PAK5: variants seen among roughly 807,000 people sequenced by gnomAD.
The protein encoded by PAK5 is serine/threonine-protein kinase PAK 5.
Under a neutral mutation model 65.9 loss-of-function variants are expected in PAK5, and 16 were observed. The ratio of observed to expected loss-of-function variants is 0.24; its 90% CI spans 0.16 to 0.37. PAK5 has a LOEUF of 0.37. Among genes scored for constraint, PAK5 ranks in the 10% least tolerant of loss-of-function variants. The probability of loss-of-function intolerance (pLI) is 1.00; values close to 1 mark genes in which losing one functional copy is unlikely to be tolerated. For synonymous variants in PAK5, 371 were observed against 354.9 expected (o/e 1.05, Z -0.51); for missense variants, 785 against 903.9 (o/e 0.87, Z 1.69).
intron 6 of PAK5, among the ~76,000 whole-genome samples, chr20:9,560,267 A>C (rs185375179): frequency 3.9e-5 from 6 of 152,318 alleles, no homozygotes; most frequent in Admixed American, 1.3e-4. Context: ...ATAGGAAAAA[A>C]GCTTGGCATG....
chr20:9,674,957 T>C (rs1260474622), intron 2 of PAK5, among the ~76,000 whole-genome samples: 1 of 152,172 alleles, frequency 6.6e-6, no homozygotes, highest in African/African-American at 2.4e-5. Flanking sequence ...AGGTCATTAG[T>C]AGTCAGCACT....
intron 1 of PAK5, among the ~76,000 whole-genome samples, chr20:9,746,834 C>T (rs2048513844): frequency 6.6e-6 from 1 of 152,098 alleles, no homozygotes; most frequent in Non-Finnish European, 1.5e-5. Context: ...TAACTAAAAT[C>T]AGAGCAGAAC....
intron 1 of PAK5, among the ~76,000 whole-genome samples, chr20:9,757,237 A>AACT (rs1555922651): frequency 2.1e-4 from 32 of 151,830 alleles, no homozygotes; most frequent in Admixed American, 3.9e-4. Flanking sequence ...TGAAAAAAAA[A>AACT]CTATTACATA....
chr20:9,588,674 T>C (rs934165841), intron 3 of PAK5, among the ~76,000 whole-genome samples: 1 of 152,200 alleles, frequency 6.6e-6, no homozygotes, highest in Non-Finnish European at 1.5e-5. Context: ...CTAATTATTA[T>C]TGTCCGTCTC....
intron 1 of PAK5, among the ~76,000 whole-genome samples, chr20:9,836,352 T>A (rs772477828): frequency 6.6e-6 from 1 of 152,118 alleles, no homozygotes; most frequent in Non-Finnish European, 1.5e-5. Context: ...TCATATTGAA[T>A]AAGGAACAGG....
intron 2 of PAK5, among the ~76,000 whole-genome samples, chr20:9,706,268 A>G (rs1345376126): frequency 6.6e-6 from 1 of 152,128 alleles, no homozygotes; most frequent in Non-Finnish European, 1.5e-5. Context: ...TATGCTTAGC[A>G]CGCTTATAAA....
At chr20:9,591,936 A>G (rs539667196) in intron 3 of PAK5, among the ~76,000 whole-genome samples, 2 of 152,340 alleles carry the variant, frequency 1.3e-5, no homozygotes, top group East Asian at 3.9e-4. Flanking sequence ...TGGAAATAAA[A>G]CCAGTAGGCA....
intron 6 of PAK5, among the ~76,000 whole-genome samples, chr20:9,560,407 T>C (rs898142779): frequency 2.6e-5 from 4 of 152,180 alleles, no homozygotes; most frequent in South Asian, 2.1e-4. Flanking sequence ...TTGCCCAGGC[T>C]GGAGTGTAAC....
intron 1 of PAK5, among the ~76,000 whole-genome samples, chr20:9,748,317 A>G (rs1197023229): frequency 6.6e-6 from 1 of 152,186 alleles, no homozygotes; most frequent in African/African-American, 2.4e-5. Context: ...GACTTCCTTC[A>G]CAGAATTGGA....
chr20:9,650,739 T>C (rs2224610), intron 2 of PAK5, among the ~76,000 whole-genome samples: 9,246 of 152,134 alleles, frequency 0.061, 864 homozygotes, highest in African/African-American at 0.21. Context: ...CTAACTGGCA[T>C]GTAGCATACT....
intron 3 of PAK5, among the ~76,000 whole-genome samples, chr20:9,632,437 A>C (rs928431332): frequency 1.3e-5 from 2 of 152,174 alleles, no homozygotes; most frequent in African/African-American, 4.8e-5. Flanking sequence ...GACATTTCCT[A>C]TTTAAATATT....
chr20:9,681,906 T>G (rs2047654700), intron 2 of PAK5, among the ~76,000 whole-genome samples: 1 of 152,154 alleles, frequency 6.6e-6, no homozygotes, highest in Non-Finnish European at 1.5e-5. Flanking sequence ...TTTACTTAAT[T>G]TTTGGAGGCT....
intron 2 of PAK5, among the ~76,000 whole-genome samples, chr20:9,695,277 C>T (rs1183812179): frequency 5.9e-5 from 9 of 151,956 alleles, no homozygotes; most frequent in South Asian, 4.2e-4. Context: ...CTGGATATGT[C>T]GAACAAACGT....
At chr20:9,663,975 G>A (rs2047379615) in intron 2 of PAK5, among the ~76,000 whole-genome samples, 1 of 152,144 alleles carries the variant, frequency 6.6e-6, no homozygotes, top group Non-Finnish European at 1.5e-5. Flanking sequence ...CAGGGAGAAA[G>A]AACCATTTGG....
At chr20:9,606,313 C>T (rs2046453610) in intron 3 of PAK5, among the ~76,000 whole-genome samples, 1 of 152,146 alleles carries the variant, frequency 6.6e-6, no homozygotes, top group Non-Finnish European at 1.5e-5. Flanking sequence ...TTTTCTGAGG[C>T]CTCCCCAGAC....
At chr20:9,786,324 G>C (rs1428554332) in intron 1 of PAK5, among the ~76,000 whole-genome samples, 1 of 151,936 alleles carries the variant, frequency 6.6e-6, no homozygotes, top group Non-Finnish European at 1.5e-5. Flanking sequence ...TTCCATACTG[G>C]CCCCCAGGAA....
chr20:9,743,391 C>CA (rs33951813), intron 1 of PAK5, among the ~76,000 whole-genome samples: 70,833 of 133,392 alleles, frequency 0.53, 17,207 homozygotes, highest in South Asian at 0.69. Flanking sequence ...GCAAACAAGC[C>CA]AAAAAAAAAC....
At chr20:9,704,839 G>T (rs918808176) in intron 2 of PAK5, among the ~76,000 whole-genome samples, 1 of 152,096 alleles carries the variant, frequency 6.6e-6, no homozygotes, top group Non-Finnish European at 1.5e-5. Flanking sequence ...TATGTGACAC[G>T]CAACACCTCT....
At chr20:9,550,024 G>T (rs1003290290) in intron 7 of PAK5, among the ~76,000 whole-genome samples, 1 of 152,124 alleles carries the variant, frequency 6.6e-6, no homozygotes, top group Non-Finnish European at 1.5e-5. Context: ...TAAATTGATT[G>T]ACACCTGTCT....
Sources: allele counts gnomAD v4.1 joint callset (sites outside exome capture counted in the v4.1 genomes callset), GRCh38; gene constraint gnomAD v4.1.1; transcripts MANE v1.5; gene names NCBI Gene and HGNC (gene_info 2026-07-23, HGNC 2026-07-21).